IQCJ: variants seen among roughly 807,000 people sequenced by gnomAD.
IQCJ encodes the protein IQ domain-containing protein J.
A neutral mutation model predicts 11.0 loss-of-function variants in IQCJ; 9 were observed. The observed-to-expected ratio is 0.82, with a 90% CI of 0.49 to 1.43. IQCJ has a LOEUF of 1.43. Among genes scored for constraint, IQCJ ranks in the 40% most tolerant of loss-of-function variants. The probability of loss-of-function intolerance (pLI) is 0.00; values close to 1 mark genes in which losing one functional copy is unlikely to be tolerated. For synonymous variants in IQCJ, 55 were observed against 51.3 expected (o/e 1.07, Z -0.31); for missense variants, 146 against 133.2 (o/e 1.10, Z -0.47).
At chr3:159,101,834 G>T (rs542275721) in intron 1 of IQCJ, among the ~76,000 whole-genome samples, 1 of 152,164 alleles carries the variant, frequency 6.6e-6, no homozygotes, top group Non-Finnish European at 1.5e-5. Flanking sequence ...CTGTCGGAAA[G>T]ACTAGACTCA....
At chr3:159,227,491 A>T (rs1077544) in intron 1 of IQCJ, among the ~76,000 whole-genome samples, 115,318 of 152,112 alleles carry the variant, frequency 0.76, 44,867 homozygotes, top group African/African-American at 0.92. Flanking sequence ...TCAAGTTACA[A>T]CTGGGTAAAT....
At chr3:159,085,573 G>A (rs1245986078) in intron 1 of IQCJ, among the ~76,000 whole-genome samples, 26 of 146,688 alleles carry the variant, frequency 1.8e-4, no homozygotes, top group South Asian at 9.1e-4. Context: ...ATCCTCTCCA[G>A]CACCTGTTGT....
At chr3:159,166,413 C>T (rs1722168922) in intron 1 of IQCJ, among the ~76,000 whole-genome samples, 1 of 152,120 alleles carries the variant, frequency 6.6e-6, no homozygotes, top group African/African-American at 2.4e-5. Context: ...AACCTGACAT[C>T]CATTGACATG....
intron 1 of IQCJ, among the ~76,000 whole-genome samples, chr3:159,194,452 C>T (rs898749406): frequency 6.6e-6 from 1 of 152,172 alleles, no homozygotes; most frequent in Admixed American, 6.5e-5. Flanking sequence ...AGATCCATTG[C>T]TGTAAGGGAG....
intron 1 of IQCJ, among the ~76,000 whole-genome samples, chr3:159,232,721 G>A (rs148677849): frequency 3.2e-4 from 49 of 152,266 alleles, no homozygotes; most frequent in Non-Finnish European, 5.7e-4. Context: ...GGAGAGTTCT[G>A]TAGATGTCTG....
chr3:159,131,314 C>T (rs1444403938), intron 1 of IQCJ, among the ~76,000 whole-genome samples: 1 of 151,986 alleles, frequency 6.6e-6, no homozygotes, highest in East Asian at 1.9e-4. Flanking sequence ...CCGCCTCACC[C>T]CCACCCAAGT....
At chr3:159,179,047 G>A (rs143482764) in intron 1 of IQCJ, among the ~76,000 whole-genome samples, 1 of 152,242 alleles carries the variant, frequency 6.6e-6, no homozygotes, top group East Asian at 1.9e-4. Context: ...CTCCACACTG[G>A]AGGACAGGCA....
At chr3:159,092,301 C>T (rs1717369270) in intron 1 of IQCJ, among the ~76,000 whole-genome samples, 1 of 151,910 alleles carries the variant, frequency 6.6e-6, no homozygotes, top group Non-Finnish European at 1.5e-5. Flanking sequence ...ATCTTTGGGA[C>T]TGTTATAGCT....
At chr3:159,182,548 C>T (rs779341665) in intron 1 of IQCJ, among the ~76,000 whole-genome samples, 18 of 151,930 alleles carry the variant, frequency 1.2e-4, no homozygotes, top group Non-Finnish European at 2.2e-4. Context: ...TCTCAAGGGC[C>T]GAGCTCCCCG....
At chr3:159,250,807 T>C (rs1017714286) in intron 2 of IQCJ, among the ~76,000 whole-genome samples, 39 of 152,210 alleles carry the variant, frequency 2.6e-4, no homozygotes, top group Non-Finnish European at 3.1e-4. Flanking sequence ...AGCCAGATCA[T>C]ATCACTTTCT....
downstream of IQCJ, chr3:159,263,814 T>A: frequency 1.0e-6 from 1 of 985,156 alleles, no homozygotes; most frequent in Non-Finnish European, 1.2e-6. Flanking sequence ...CAAATAAAAG[T>A]GGCAGAAGAT....
chr3:159,135,557 C>T (rs1720240255), intron 1 of IQCJ, among the ~76,000 whole-genome samples: 2 of 152,222 alleles, frequency 1.3e-5, no homozygotes, highest in Admixed American at 1.3e-4. Flanking sequence ...CTCCTTCTAC[C>T]TGTGTCTCTG....
chr3:159,119,809 G>A (rs1719249010), intron 1 of IQCJ, among the ~76,000 whole-genome samples: 1 of 152,114 alleles, frequency 6.6e-6, no homozygotes, highest in African/African-American at 2.4e-5. Context: ...TATGGGTTGG[G>A]GAAGAGATGA....
chr3:159,229,076 CTT>C lies in IQCJ; in HGVS notation c.10-16764_10-16763del, dbSNP rs571576317. 2.7e-4 allele frequency among the ~76,000 whole-genome samples: 41 copies of C among 152,280 alleles called. No homozygotes were observed. The East Asian group carries it at 7.5e-3, about 28-fold the overall frequency. On this transcript the variant is annotated intron_variant, in intron 1 of 3. Coordinates refer to ENST00000397832, the MANE Select transcript of IQCJ (RefSeq NM_001042706.3). ...ATGACAAAGCAGATTTGGCCACAGT[CTT>C]TTGTTTTCTTGTCTATCTGCCTGCC...
At chr3:159,122,915 A>G (rs1719461652) in intron 1 of IQCJ, among the ~76,000 whole-genome samples, 1 of 152,146 alleles carries the variant, frequency 6.6e-6, no homozygotes, top group South Asian at 2.1e-4. Context: ...ATGAATGGGT[A>G]ATTACTACCG....
intron 2 of IQCJ, among the ~76,000 whole-genome samples, chr3:159,249,228 C>T (rs527793560): frequency 3.9e-4 from 60 of 152,254 alleles, no homozygotes; most frequent in Admixed American, 2.6e-4. Context: ...TATTAAACCT[C>T]TCACTAACAC....
At chr3:159,149,058 T>C (rs1721062249) in intron 1 of IQCJ, among the ~76,000 whole-genome samples, 1 of 152,370 alleles carries the variant, frequency 6.6e-6, no homozygotes, top group African/African-American at 2.4e-5. Context: ...GCCCACTAAA[T>C]AATTAAAATA....
At chr3:159,175,432 CT>C (rs1722742194) in intron 1 of IQCJ, among the ~76,000 whole-genome samples, 5 of 152,308 alleles carry the variant, frequency 3.3e-5, no homozygotes, top group Non-Finnish European at 7.3e-5. Context: ...GATTATAAAA[CT>C]TCACTCCAGC....
chr3:159,234,003 A>G (rs551423100), intron 1 of IQCJ, among the ~76,000 whole-genome samples: 1 of 152,284 alleles, frequency 6.6e-6, no homozygotes, highest in East Asian at 1.9e-4. Context: ...CAACTTCTTT[A>G]CAAATGCCAT....
Sources: allele counts gnomAD v4.1 joint callset (sites outside exome capture counted in the v4.1 genomes callset), GRCh38; gene constraint gnomAD v4.1.1; transcripts MANE v1.5; gene names NCBI Gene and HGNC (gene_info 2026-07-23, HGNC 2026-07-21).